Variants in RAPGEF6 observed in about 807,000 individuals in gnomAD.
The protein encoded by RAPGEF6 is PDZ domain containing guanine nucleotide exchange factor (GEF) 2.
RAPGEF6 carries 56 observed loss-of-function variants against 171.4 expected under a neutral mutation model. That is an observed-to-expected ratio of 0.33 (90% CI 0.26 to 0.41). The LOEUF is 0.41. Ranked by LOEUF, RAPGEF6 falls within the 10% of genes least tolerant of loss-of-function variation. The pLI, the probability that RAPGEF6 is intolerant of heterozygous loss-of-function variation, is 1.00. For missense variants in RAPGEF6, 1,674 were observed against 1,921.4 expected, an observed-to-expected ratio of 0.87 and a Z score of 2.41; for synonymous variants, 692 against 650.1, an observed-to-expected ratio of 1.06 and a Z score of -0.98.
intron 16 of RAPGEF6, among the ~76,000 whole-genome samples, chr5:131,476,809 G>A (rs2149853040): frequency 1.3e-5 from 2 of 152,290 alleles, no homozygotes; most frequent in South Asian, 4.1e-4. Context: ...TGGGATAACA[G>A]GCGTGAGGCA....
chr5:131,473,987 T>C (rs917532810), intron 16 of RAPGEF6, among the ~76,000 whole-genome samples: 2 of 152,220 alleles, frequency 1.3e-5, no homozygotes, highest in African/African-American at 4.8e-5. Flanking sequence ...AGACCTGAGC[T>C]ACTAGCTGCT....
chr5:131,555,373 A>ATT (rs5871428), intron 5 of RAPGEF6, among the ~76,000 whole-genome samples: 31 of 151,800 alleles, frequency 2.0e-4, no homozygotes, highest in African/African-American at 6.5e-4. Context: ...TAGGAAACAC[A>ATT]TTTTTTTTCT....
intron 4 of RAPGEF6, among the ~76,000 whole-genome samples, chr5:131,564,800 A>C (rs918851537): frequency 6.6e-6 from 1 of 152,198 alleles, no homozygotes; most frequent in Admixed American, 6.5e-5. Flanking sequence ...AACACAACAG[A>C]GAGATATAAA....
At chr5:131,466,961 T>A (rs915596030) in intron 17 of RAPGEF6, among the ~76,000 whole-genome samples, 42 of 152,314 alleles carry the variant, frequency 2.8e-4, no homozygotes, top group African/African-American at 1.0e-3. Context: ...ACCCTCTTCA[T>A]AAAAGTAGGT....
Position 131,535,002 on chromosome 5 carries a change from T to C in RAPGEF6, c.495+13045A>G, listed in dbSNP as rs139737896. On this transcript the variant is annotated intron_variant, in intron 6 of 27. Coordinates refer to ENST00000509018, the MANE Select transcript of RAPGEF6 (RefSeq NM_016340.6). ...CTGGGCAAGGGAGACAGCCATCTCT[T>C]AGCTGCTTTAAAAAACTGCTGCCCA... 5.6e-3 allele frequency among the ~76,000 whole-genome samples: 859 copies of C among 152,256 alleles called. 4 individuals carry two copies. The highest frequency in any genetic ancestry group is 0.01 in the Middle Eastern group (3 of 294).
chr5:131,572,730 C>T (rs1762379881), intron 4 of RAPGEF6, among the ~76,000 whole-genome samples: 1 of 152,148 alleles, frequency 6.6e-6, no homozygotes, highest in Non-Finnish European at 1.5e-5. Flanking sequence ...TATGGGCAAC[C>T]TTCCGCCATC....
At chr5:131,460,888 TG>T (rs1181626844) in intron 19 of RAPGEF6, among the ~76,000 whole-genome samples, 1 of 152,166 alleles carries the variant, frequency 6.6e-6, no homozygotes, top group African/African-American at 2.4e-5. Flanking sequence ...ATGAATTCTG[TG>T]GGGGATGTGT....
At chr5:131,630,615 T>C (rs1459605436) in intron 1 of RAPGEF6, among the ~76,000 whole-genome samples, 1 of 152,190 alleles carries the variant, frequency 6.6e-6, no homozygotes, top group African/African-American at 2.4e-5. Flanking sequence ...AATCTATAAG[T>C]AGGAGAAATC....
intron 1 of RAPGEF6, among the ~76,000 whole-genome samples, chr5:131,608,923 C>T (rs1365269794): frequency 1.3e-5 from 2 of 152,054 alleles, no homozygotes; most frequent in African/African-American, 2.4e-5. Flanking sequence ...GGCACATGCA[C>T]ACAACACCAT....
intron 25 of RAPGEF6, among the ~76,000 whole-genome samples, chr5:131,431,976 T>A (rs912915034): frequency 1.3e-5 from 2 of 152,132 alleles, no homozygotes; most frequent in Non-Finnish European, 2.9e-5. Context: ...CCCAGTACAG[T>A]GCCAAGTAAA....
At chr5:131,458,328 A>ACT (rs1389930309) in intron 19 of RAPGEF6, among the ~76,000 whole-genome samples, 5 of 148,156 alleles carry the variant, frequency 3.4e-5, no homozygotes, top group South Asian at 2.1e-4. Flanking sequence ...TTCCCCCCTC[A>ACT]CTCTCTCTCT....
chr5:131,549,739 G>A (rs1760795446), intron 5 of RAPGEF6, among the ~76,000 whole-genome samples: 1 of 151,650 alleles, frequency 6.6e-6, no homozygotes, highest in Admixed American at 6.6e-5. Flanking sequence ...TTTATTTTAA[G>A]TTCAGCAGTA....
At chr5:131,499,503 C>T (rs979993299) in intron 11 of RAPGEF6, among the ~76,000 whole-genome samples, 2 of 150,036 alleles carry the variant, frequency 1.3e-5, no homozygotes, top group African/African-American at 2.5e-5. Flanking sequence ...ATTGCTTGAA[C>T]CCGGGAGGTG....
intron 5 of RAPGEF6, among the ~76,000 whole-genome samples, chr5:131,561,189 A>G (rs974770441): frequency 3.9e-5 from 6 of 152,220 alleles, no homozygotes; most frequent in African/African-American, 1.4e-4. Flanking sequence ...TTCCTTAAAT[A>G]CACTCTTAAA....
chr5:131,431,400 T>C, intron 25 of RAPGEF6, 51 bp from the exon 26 acceptor site: 2 of 1,526,680 alleles, frequency 1.3e-6, no homozygotes. Flanking sequence ...AAAACTATCT[T>C]CTCTCTGTTT....
intron 4 of RAPGEF6, among the ~76,000 whole-genome samples, chr5:131,581,220 T>C (rs1244605332): frequency 6.6e-6 from 1 of 152,224 alleles, no homozygotes; most frequent in Non-Finnish European, 1.5e-5. Flanking sequence ...TATTTCTTAA[T>C]GAAAAGTGTT....
intron 24 of RAPGEF6, among the ~76,000 whole-genome samples, chr5:131,434,707 ACAG>A (rs1300417403): frequency 6.6e-6 from 1 of 152,228 alleles, no homozygotes; most frequent in African/African-American, 2.4e-5. Context: ...GACTTACTGC[ACAG>A]CAGACAACTA....
chr5:131,588,579 C>A (rs575437437), intron 4 of RAPGEF6, among the ~76,000 whole-genome samples: 2 of 149,006 alleles, frequency 1.3e-5, no homozygotes, highest in Non-Finnish European at 3.0e-5. Context: ...CTCATCTCTA[C>A]TAAGAATACA....
At chr5:131,503,789 G>GAACT (rs1757175236) in intron 11 of RAPGEF6, among the ~76,000 whole-genome samples, 1 of 152,202 alleles carries the variant, frequency 6.6e-6, no homozygotes, top group African/African-American at 2.4e-5. Context: ...AGGGAAAACA[G>GAACT]TATGGGGGTT....
Sources: allele counts gnomAD v4.1 joint callset (sites outside exome capture counted in the v4.1 genomes callset), GRCh38; gene constraint gnomAD v4.1.1; transcripts MANE v1.5; gene names NCBI Gene and HGNC (gene_info 2026-07-23, HGNC 2026-07-21).